Variants in SAXO4 observed in about 807,000 individuals in gnomAD.
The protein encoded by SAXO4 is stabilizer of axonemal microtubules 4, also known as protein phosphatase 1 regulatory subunit 32.
At chr11:61,485,385 C>A in the SAXO4 span, 1 of 1,613,938 alleles carries the variant, frequency 6.2e-7, no homozygotes, top group Admixed American at 1.7e-5. Context: ...ATCTCAGGGA[C>A]CCTCTAGACC....
chr11:61,486,575 T>G, the SAXO4 span: 5 of 1,614,144 alleles, frequency 3.1e-6, no homozygotes, highest in Non-Finnish European at 4.2e-6. Flanking sequence ...GGAAACAGCC[T>G]TCAGCCGAGG....
At chr11:61,484,776 A>T in the SAXO4 span, 7 of 1,610,960 alleles carry the variant, frequency 4.3e-6, no homozygotes, top group Non-Finnish European at 5.1e-6. Flanking sequence ...CTCCACCAGC[A>T]GCAGGGCCAG....
chr11:61,482,485 G>A, the SAXO4 span: 2 of 1,577,574 alleles, frequency 1.3e-6, no homozygotes, highest in African/African-American at 1.3e-5. Context: ...CCAACTCCAG[G>A]TTCCTTGGAT....
At chr11:61,484,574 AG>A in the SAXO4 span, 5 of 1,354,096 alleles carry the variant, frequency 3.7e-6, no homozygotes, top group Non-Finnish European at 5.0e-6. Flanking sequence ...TCATTGTAAA[AG>A]GACCCCCTCT....
chr11:61,486,361 G>C, the SAXO4 span: 4 of 1,614,054 alleles, frequency 2.5e-6, no homozygotes, highest in East Asian at 2.2e-5. Flanking sequence ...TCCCAGGCCA[G>C]AGTGTCACCA....
At chr11:61,481,968 G>A in the SAXO4 span, 3 of 1,288,462 alleles carry the variant, frequency 2.3e-6, no homozygotes, top group Non-Finnish European at 3.3e-6. Flanking sequence ...GGCAGGAAGG[G>A]AGGGGCTCTC....
the SAXO4 span, chr11:61,489,425 C>T: frequency 1.9e-6 from 1 of 536,342 alleles, no homozygotes; most frequent in African/African-American, 1.9e-5. Context: ...ACCCTCTGGA[C>T]CTGGCTGTGC....
At chr11:61,484,656 C>T in the SAXO4 span, 2 of 1,611,160 alleles carry the variant, frequency 1.2e-6, no homozygotes, top group Non-Finnish European at 1.7e-6. Flanking sequence ...ACTGCCGCCC[C>T]CTCACTTGTA....
chr11:61,482,580 T>G, the SAXO4 span: 1 of 1,607,290 alleles, frequency 6.2e-7, no homozygotes, highest in Non-Finnish European at 8.5e-7. Context: ...TGTGGGAGGG[T>G]GCAGGGAGGA....
chr11:61,490,208 G>A, the SAXO4 span, among the ~76,000 whole-genome samples: 1 of 152,178 alleles, frequency 6.6e-6, no homozygotes, highest in African/African-American at 2.4e-5. Context: ...GGGAGGATCT[G>A]AGCAAGGGGC....
chr11:61,484,594 T>G, the SAXO4 span: 1 of 1,512,832 alleles, frequency 6.6e-7, no homozygotes, highest in African/African-American at 1.4e-5. Flanking sequence ...CTGGCTGCTC[T>G]GCAGATACTG....
chr11:61,485,628 T>TG, the SAXO4 span, among the ~76,000 whole-genome samples: 1 of 152,166 alleles, frequency 6.6e-6, no homozygotes, highest in African/African-American at 2.4e-5. Context: ...CTCCCTCTCC[T>TG]GTCCTCCGGC....
chr11:61,490,047 T>G, the SAXO4 span: 269 of 1,214,040 alleles, frequency 2.2e-4, no homozygotes, highest in Admixed American at 2.7e-4. Flanking sequence ...TCCGGTTCAT[T>G]CCTATGAGAG....
the SAXO4 span, chr11:61,486,943 T>G: frequency 5.0e-6 from 8 of 1,612,852 alleles, no homozygotes; most frequent in Non-Finnish European, 5.9e-6. Flanking sequence ...TTCTGTGCCC[T>G]GCAGGTGCCC....
chr11:61,481,601 T>C, the SAXO4 span, among the ~76,000 whole-genome samples: 1 of 152,186 alleles, frequency 6.6e-6, no homozygotes, highest in African/African-American at 2.4e-5. Context: ...ATGAGGACTC[T>C]TGGGATAAGT....
At chr11:61,487,035 C>G in the SAXO4 span, 1 of 1,614,094 alleles carries the variant, frequency 6.2e-7, no homozygotes, top group Non-Finnish European at 8.5e-7. Flanking sequence ...CGTTGCCCTG[C>G]TTGGCCGGGA....
chr11:61,481,817 G>C, the SAXO4 span: 1 of 1,523,424 alleles, frequency 6.6e-7, no homozygotes, highest in East Asian at 2.6e-5. Flanking sequence ...ATCATGATGG[G>C]GAAACTCCCC....
At chr11:61,482,305 T>C in the SAXO4 span, 1 of 1,613,720 alleles carries the variant, frequency 6.2e-7, no homozygotes, top group Non-Finnish European at 8.5e-7. Context: ...GTTACCCCTC[T>C]GGCAGGTCGG....
chr11:61,485,548 C>G, the SAXO4 span: 1 of 803,364 alleles, frequency 1.2e-6, no homozygotes, highest in South Asian at 1.8e-5. Context: ...GGAAGCGCCT[C>G]TCCCGGGCTG....
Sources: allele counts gnomAD v4.1 joint callset (sites outside exome capture counted in the v4.1 genomes callset), GRCh38; gene constraint gnomAD v4.1.1; transcripts MANE v1.5; gene names NCBI Gene and HGNC (gene_info 2026-07-23, HGNC 2026-07-21).